Variants in BRWD1 observed in about 807,000 individuals in gnomAD.
BRWD1 encodes bromodomain and WD repeat-containing protein 1.
BRWD1 carries 82 observed loss-of-function variants against 251.2 expected under a neutral mutation model. The ratio of observed to expected loss-of-function variants is 0.33; its 90% confidence interval spans 0.27 to 0.39. The LOEUF (loss-of-function observed/expected upper bound fraction) is 0.39. Among genes scored for constraint, BRWD1 ranks in the 10% least tolerant of loss-of-function variants. BRWD1 has a pLI of 1.00. For missense variants in BRWD1, 2,233 were observed against 2,711.6 expected (o/e 0.82, Z 3.92); for synonymous variants, 918 against 902.8 (o/e 1.02, Z -0.30).
intron 19 of BRWD1, 108 bp downstream of exon 19, chr21:39,255,533 TAATA>T (rs2034536512): frequency 1.4e-5 from 12 of 850,996 alleles, no homozygotes; most frequent in African/African-American, 3.4e-5. Flanking sequence ...CACTCATTAC[TAATA>T]TATTTATACA....
At chr21:39,219,938 T>C (rs2033106530) in intron 29 of BRWD1, 1 of 152,174 alleles carries the variant, frequency 6.6e-6, no homozygotes, top group Admixed American at 6.5e-5. Flanking sequence ...AAAATGTGTA[T>C]TTTTATACTG....
chr21:39,280,721 G>A (rs557178485), intron 8 of BRWD1, among the ~76,000 whole-genome samples: 21 of 152,252 alleles, frequency 1.4e-4, no homozygotes, highest in Admixed American at 1.2e-3. Context: ...TCTGTTGGGC[G>A]AACAATGGAT....
intron 19 of BRWD1, among the ~76,000 whole-genome samples, chr21:39,252,274 T>C (rs1040697316): frequency 6.6e-6 from 1 of 150,522 alleles, no homozygotes; most frequent in Non-Finnish European, 1.5e-5. Context: ...AAATTTATAA[T>C]GAATAGAATT....
chr21:39,284,817 C>T (rs73359559), intron 8 of BRWD1, among the ~76,000 whole-genome samples: 2,571 of 152,186 alleles, frequency 0.017, 70 homozygotes, highest in African/African-American at 0.059. Flanking sequence ...TGGATATTAA[C>T]TCTTTGTCAG....
rs753199098 is a variant in BRWD1, at chr21:39,294,047, A to G, written c.610-15T>C. On this transcript the variant is annotated splice_polypyrimidine_tract_variant and intron_variant, in intron 7 of 40. Coordinates refer to ENST00000342449, the MANE Select transcript of BRWD1 (RefSeq NM_033656.4). ...TCATCTGAACCCTAAGAAAAAATAT[A>G]TCCAAAAATTAATGTTAGTACAGCA... The G allele has an allele frequency of 8.7e-6, 14 of 1,600,654 alleles. No individual in the cohort carries two copies. Among genetic ancestry groups the G allele is most frequent in the African/African-American group, 2.7e-5 (2 of 74,462 alleles).
At chr21:39,222,450 A>G (rs976309283) in intron 29 of BRWD1, among the ~76,000 whole-genome samples, 13 of 152,212 alleles carry the variant, frequency 8.5e-5, no homozygotes. Flanking sequence ...GTACAAGGTG[A>G]GCCTTGAACA....
Position 39,186,433 on chromosome 21 carries a change from G to C in BRWD1, c.*9826C>G, listed in dbSNP as rs989999424. On this transcript the variant is annotated 3_prime_UTR_variant, in exon 41 of 41. Coordinates refer to ENST00000342449, the MANE Select transcript of BRWD1 (RefSeq NM_033656.4). The stretch of plus-strand genomic sequence containing the variant: ...ACTCTACTTCAGAACTCAATAATCA[G>C]TATCTCCAGCTGAAATTCCCAGGTC... The C allele has an allele frequency of 2.6e-5, 4 of 152,146 alleles. No homozygotes were observed. In the East Asian group the frequency reaches 7.7e-4, roughly 29 times the overall value. 9.4% of individuals were successfully genotyped at this position (152,146 alleles called of 1,614,324 possible). A position where few individuals can be genotyped will look rare whatever the true frequency, so the allele number is the denominator to read the frequency against.
Position 39,270,002 on chromosome 21 carries a change from G to A in BRWD1, c.1427C>T (p.Thr476Ile). ...CATAATTCTGGAATCAAAGGGATGTGTCTCCAGAACAAATACTTCATCAGC... is the reference window on the plus strand; with the variant it reads ...CATAATTCTGGAATCAAAGGGATGTATCTCCAGAACAAATACTTCATCAGC... The part of the protein sequence containing the change: ...GHADEVFVLE[T>I]HPFDSRIMLS... The change falls in exon 15 of 41, where the codon ACA becomes ATA. Residue 476 changes from threonine to isoleucine, a missense_variant. Physicochemically the swap from Thr to Ile is moderately conservative, Grantham distance 89. This residue lies in a region of BRWD1 where 315 missense variants were observed against 421.8 expected (regional missense o/e 0.75). Transcript: ENST00000342449. 6.3e-7 allele frequency: 1 copy of A among 1,592,534 alleles called. No homozygotes were observed. Among genetic ancestry groups the A allele is most frequent in the Non-Finnish European group, 8.6e-7 (1 of 1,168,980 alleles).
At chr21:39,301,498 A>G (rs1380391653) in intron 4 of BRWD1, among the ~76,000 whole-genome samples, 1 of 152,168 alleles carries the variant, frequency 6.6e-6, no homozygotes, top group Non-Finnish European at 1.5e-5. Context: ...ACAACCCTCC[A>G]GGAACCGAAT....
intron 8 of BRWD1, among the ~76,000 whole-genome samples, chr21:39,283,967 ATC>A (rs1475512165): frequency 1.3e-5 from 2 of 152,148 alleles, no homozygotes; most frequent in African/African-American, 4.8e-5. Flanking sequence ...CCGTGCTACA[ATC>A]TCATGTGTCT....
At chr21:39,293,265 C>T (rs748623559) in intron 8 of BRWD1, among the ~76,000 whole-genome samples, 2 of 152,002 alleles carry the variant, frequency 1.3e-5, no homozygotes, top group Non-Finnish European at 2.9e-5. Context: ...GAGGCTGAGC[C>T]GGGCAGGTTA....
chr21:39,280,616 A>C (rs2035426151), intron 8 of BRWD1, among the ~76,000 whole-genome samples: 2 of 152,190 alleles, frequency 1.3e-5, no homozygotes, highest in Non-Finnish European at 2.9e-5. Flanking sequence ...GACCCTATTC[A>C]ACCTGGGAAA....
chr21:39,301,053 C>G (rs534010862), intron 4 of BRWD1, among the ~76,000 whole-genome samples: 2 of 152,020 alleles, frequency 1.3e-5, no homozygotes, highest in East Asian at 3.9e-4. Flanking sequence ...GTGGCAGGTG[C>G]CTGTAGTCCC....
intron 5 of BRWD1, chr21:39,297,983 G>A (rs952628110): frequency 2.0e-6 from 2 of 985,580 alleles, no homozygotes; most frequent in Non-Finnish European, 2.4e-6. Flanking sequence ...TTTTACATTT[G>A]TGGTGCTTGT....
intron 36 of BRWD1, among the ~76,000 whole-genome samples, chr21:39,208,530 TA>T (rs2032515448): frequency 6.6e-6 from 1 of 152,218 alleles, no homozygotes. Flanking sequence ...ACAAGTATTT[TA>T]CTTTAAATAT....
At chr21:39,310,957 T>C (rs539812887) in intron 4 of BRWD1, among the ~76,000 whole-genome samples, 1 of 152,164 alleles carries the variant, frequency 6.6e-6, no homozygotes, top group Non-Finnish European at 1.5e-5. Context: ...ATGAGGCTCA[T>C]CATCACTCAG....
chr21:39,198,473 A>G (rs2031933706), intron 40 of BRWD1, among the ~76,000 whole-genome samples: 1 of 152,188 alleles, frequency 6.6e-6, no homozygotes, highest in South Asian at 2.1e-4. Flanking sequence ...CATCTCTAAT[A>G]TAATATATCC....
intron 12 of BRWD1, 151 bp from the exon 13 acceptor site, chr21:39,274,623 C>T (rs976985652): frequency 2.2e-5 from 15 of 683,596 alleles, no homozygotes; most frequent in Middle Eastern, 3.6e-4. Flanking sequence ...GTATTTAGAG[C>T]GTATCTGGAT....
At chr21:39,286,016 CTTTTT>C (rs57151774) in intron 8 of BRWD1, among the ~76,000 whole-genome samples, 2 of 104,774 alleles carry the variant, frequency 1.9e-5, no homozygotes, top group South Asian at 2.9e-4. Context: ...ACCATATGAA[CTTTTT>C]TTTTTTTTTT....
Sources: allele counts gnomAD v4.1 joint callset (sites outside exome capture counted in the v4.1 genomes callset), GRCh38; gene constraint gnomAD v4.1.1; regional missense constraint gnomAD v4.1.1; transcripts MANE v1.5; gene names NCBI Gene and HGNC (gene_info 2026-07-23, HGNC 2026-07-21).